Variants in HMCN1 observed in about 807,000 individuals in gnomAD.
HMCN1 encodes the protein hemicentin 1, also known as hemicentin-1.
A neutral mutation model predicts 625.9 loss-of-function variants in HMCN1; 321 were observed. That is an observed-to-expected ratio of 0.51 (90% CI 0.47 to 0.56). The LOEUF (loss-of-function observed/expected upper bound fraction) is 0.56, where lower values mean the gene tolerates loss of function less well. Ranked by LOEUF, HMCN1 falls within the 20% of genes least tolerant of loss-of-function variation. HMCN1 has a pLI of 0.00. For synonymous variants in HMCN1, 2,425 were observed against 2,417.6 expected (o/e 1.00, Z -0.09); for missense variants, 6,588 against 6,887.3 (o/e 0.96, Z 1.54).
intron 1 of HMCN1, among the ~76,000 whole-genome samples, chr1:185,799,858 G>A (rs1658668464): frequency 6.6e-6 from 1 of 152,194 alleles, no homozygotes; most frequent in Non-Finnish European, 1.5e-5. Flanking sequence ...AGCTGTCTCA[G>A]GTGATGGGTG....
intron 36 of HMCN1, 104 bp downstream of exon 36, chr1:186,023,257 A>C: frequency 2.2e-6 from 2 of 913,518 alleles, no homozygotes; most frequent in Non-Finnish European, 3.3e-6. Context: ...ACAGGTGTTT[A>C]TTTTCTTAGT....
intron 1 of HMCN1, among the ~76,000 whole-genome samples, chr1:185,835,913 A>G (rs1418180223): frequency 1.3e-5 from 2 of 152,194 alleles, no homozygotes; most frequent in Non-Finnish European, 1.5e-5. Flanking sequence ...TCACTCAATG[A>G]AAAGGAATTC....
intron 97 of HMCN1, among the ~76,000 whole-genome samples, chr1:186,157,539 GGTTA>G (rs1400285334): frequency 2.0e-5 from 3 of 152,032 alleles, no homozygotes; most frequent in African/African-American, 7.2e-5. Context: ...ACAATGTGCA[GGTTA>G]GTTACATATG....
chr1:185,780,170 A>G (rs1656959832), intron 1 of HMCN1, among the ~76,000 whole-genome samples: 1 of 152,172 alleles, frequency 6.6e-6, no homozygotes, highest in Admixed American at 6.5e-5. Context: ...GTGTATAAGA[A>G]TGCTTGTGAT....
intron 29 of HMCN1, among the ~76,000 whole-genome samples, chr1:186,005,985 A>C (rs1036874416): frequency 1.3e-5 from 2 of 152,016 alleles, no homozygotes; most frequent in Non-Finnish European, 1.5e-5. Context: ...AAAATATAAA[A>C]ATTAGCCATG....
At chr1:186,180,687 G>A (rs984122472) in intron 104 of HMCN1, among the ~76,000 whole-genome samples, 1 of 152,116 alleles carries the variant, frequency 6.6e-6, no homozygotes, top group African/African-American at 2.4e-5. Context: ...GCTATTTGAG[G>A]CAGCCACTCT....
At chr1:186,095,602 A>C (rs1660098631) in intron 68 of HMCN1, 81 bp downstream of exon 68, 1 of 1,448,366 alleles carries the variant, frequency 6.9e-7, no homozygotes, top group African/African-American at 1.4e-5. Context: ...TAATTCTGAG[A>C]ATCAGTTGCT....
At chr1:186,041,589 A>G (rs1656211015) in intron 40 of HMCN1, among the ~76,000 whole-genome samples, 1 of 152,154 alleles carries the variant, frequency 6.6e-6, no homozygotes, top group Non-Finnish European at 1.5e-5. Flanking sequence ...TAAACTCAAT[A>G]TAAATTTAGG....
At chr1:185,769,583 G>A (rs1268069828) in intron 1 of HMCN1, among the ~76,000 whole-genome samples, 1 of 152,152 alleles carries the variant, frequency 6.6e-6, no homozygotes, top group Admixed American at 6.6e-5. Context: ...ATGTATATGG[G>A]CAACTATATT....
At chr1:185,816,314 G>A (rs1268064918) in intron 1 of HMCN1, among the ~76,000 whole-genome samples, 1 of 152,192 alleles carries the variant, frequency 6.6e-6, no homozygotes, top group African/African-American at 2.4e-5. Context: ...GTCACTGGGT[G>A]TTGAAGTACT....
intron 77 of HMCN1, 139 bp from the exon 78 acceptor site, chr1:186,119,052 C>T (rs1233642905): frequency 1.4e-6 from 1 of 694,086 alleles, no homozygotes; most frequent in East Asian, 2.7e-5. Flanking sequence ...CTGTGCTAGG[C>T]ACTTCAGGGG....
chr1:186,066,187 T>C (rs1375627697), intron 49 of HMCN1, among the ~76,000 whole-genome samples: 1 of 152,140 alleles, frequency 6.6e-6, no homozygotes, highest in Non-Finnish European at 1.5e-5. Context: ...GTGTCAATAT[T>C]GTATTGTGTG....
At chr1:185,865,954 A>G in intron 4 of HMCN1, 91 bp downstream of exon 4, 2 of 1,345,222 alleles carry the variant, frequency 1.5e-6, no homozygotes, top group South Asian at 2.4e-5. Context: ...GATTTCAAAA[A>G]CAATTTTAAC....
intron 1 of HMCN1, among the ~76,000 whole-genome samples, chr1:185,839,700 C>T (rs533623490): frequency 6.6e-6 from 1 of 152,250 alleles, no homozygotes; most frequent in South Asian, 2.1e-4. Flanking sequence ...TTCTTCTTTG[C>T]TTCTTGTTCT....
chr1:185,838,885 T>G (rs762907932), intron 1 of HMCN1, among the ~76,000 whole-genome samples: 1 of 152,208 alleles, frequency 6.6e-6, no homozygotes, highest in Non-Finnish European at 1.5e-5. Context: ...GTTGAATGAA[T>G]TGAAGCAAGT....
chr1:186,119,975 T>G (rs1661322616), intron 79 of HMCN1, 36 bp from the exon 80 acceptor site: 1 of 1,613,890 alleles, frequency 6.2e-7, no homozygotes, highest in Non-Finnish European at 8.5e-7. Context: ...ACAGGCTTTT[T>G]TTTTTCCCCA....
chr1:185,766,264 G>A (rs932387039), intron 1 of HMCN1, among the ~76,000 whole-genome samples: 4 of 151,980 alleles, frequency 2.6e-5, no homozygotes, highest in African/African-American at 9.7e-5. Flanking sequence ...AAATAACAAG[G>A]AATTGCCTGG....
In HMCN1 at chr1:185,892,666, G is replaced by A. The variant is rs572196602; in HGVS notation, c.622-16671G>A. ...ACCCACTTGAGGAGGCAGTCTGCCC[G>A]TTCTCAGATCTCCAGCTGCCTACTG... On this transcript the variant is annotated intron_variant, in intron 4 of 106. Coordinates refer to ENST00000271588, the MANE Select transcript of HMCN1 (RefSeq NM_031935.3). 3.3e-3 allele frequency among the ~76,000 whole-genome samples: 506 copies of A among 152,132 alleles called. 3 individuals carry two copies. Among genetic ancestry groups the A allele is most frequent in the African/African-American group, 7.7e-3 (319 of 41,402 alleles).
intron 66 of HMCN1, 101 bp from the exon 67 acceptor site, chr1:186,094,175 A>G: frequency 1.1e-6 from 1 of 941,406 alleles, no homozygotes; most frequent in South Asian, 1.4e-5. Context: ...AAATTTCCCA[A>G]CATAAATCAC....
Sources: allele counts gnomAD v4.1 joint callset (sites outside exome capture counted in the v4.1 genomes callset), GRCh38; gene constraint gnomAD v4.1.1; transcripts MANE v1.5; gene names NCBI Gene and HGNC (gene_info 2026-07-23, HGNC 2026-07-21).